Variants in FLNB observed in about 807,000 individuals in gnomAD.
The protein encoded by FLNB is filamin B, also known as filamin-B.
In FLNB, 111 loss-of-function variants were observed where a neutral mutation model predicts 250.6. That is an observed-to-expected ratio of 0.44 (90% CI 0.38 to 0.52). The LOEUF (loss-of-function observed/expected upper bound fraction) is 0.52. FLNB is among the 20% of genes least tolerant of loss of function. FLNB has a pLI of 0.00. For synonymous variants in FLNB, 1,302 were observed against 1,372.1 expected (o/e 0.95, Z 1.13); for missense variants, 2,869 against 3,447.8 (o/e 0.83, Z 4.20).
At chr3:58,119,884 G>A (rs1277747818) in intron 19 of FLNB, among the ~76,000 whole-genome samples, 3 of 152,184 alleles carry the variant, frequency 2.0e-5, no homozygotes, top group African/African-American at 7.2e-5. Context: ...TTGCCCTGCT[G>A]TATAAACCTA....
chr3:58,023,069 C>T (rs548480055), intron 1 of FLNB, among the ~76,000 whole-genome samples: 452 of 151,524 alleles, frequency 3.0e-3, no homozygotes, highest in Non-Finnish European at 5.0e-3. Flanking sequence ...CTGCCTCGGC[C>T]TCCTAAAGTG....
At chr3:58,131,471 G>A (rs574543228) in intron 25 of FLNB, among the ~76,000 whole-genome samples, 2 of 152,308 alleles carry the variant, frequency 1.3e-5, no homozygotes, top group Admixed American at 1.3e-4. Context: ...GCCATATAGG[G>A]ACAAAGCCCT....
chr3:58,120,161 G>A (rs964428249), intron 19 of FLNB, among the ~76,000 whole-genome samples: 1 of 152,240 alleles, frequency 6.6e-6, no homozygotes, highest in Non-Finnish European at 1.5e-5. Flanking sequence ...CAAGTTGCAA[G>A]CAAGGCCAGC....
chr3:58,076,990 A>G (rs2097202637), intron 1 of FLNB, 56 bp from the exon 2 acceptor site: 7 of 1,600,430 alleles, frequency 4.4e-6, no homozygotes, highest in Non-Finnish European at 6.0e-6. Flanking sequence ...TATAAGGAGC[A>G]TAATTTACAC....
chr3:58,120,726 GGATATCA>G (rs1369693937), intron 19 of FLNB, among the ~76,000 whole-genome samples: 3 of 152,164 alleles, frequency 2.0e-5, no homozygotes, highest in African/African-American at 7.2e-5. Flanking sequence ...GAGGGTGTTT[GGATATCA>G]AGTTAACACC....
rs1215405597 is a variant in FLNB, at chr3:58,148,269, G to T, written c.5792G>T (p.Ser1931Ile). The T allele has an allele frequency of 1.2e-6, 2 of 1,614,202 alleles. No homozygotes were observed. Among genetic ancestry groups the T allele is most frequent in the South Asian group, 2.2e-5 (2 of 91,080 alleles). The change falls in exon 35 of 46, where the codon AGT becomes ATT. Residue 1931 changes from serine (S) to isoleucine (I), a missense_variant. By Grantham distance (142) the Ser-to-Ile change is moderately radical. Coordinates refer to ENST00000295956, the MANE Select transcript of FLNB (RefSeq NM_001457.4). ...GSAADFLLDISETDLSSLTAS... is the reference protein window; with the variant it reads ...GSAADFLLDIIETDLSSLTAS... ...GCCGCTGACTTCCTGCTCGACATCAGTGAGACTGACCTCAGCAGCCTGACG... is the reference window on the plus strand; with the variant it reads ...GCCGCTGACTTCCTGCTCGACATCATTGAGACTGACCTCAGCAGCCTGACG...
At chr3:58,017,451 C>G (rs1216738332) in intron 1 of FLNB, among the ~76,000 whole-genome samples, 2 of 152,120 alleles carry the variant, frequency 1.3e-5, no homozygotes, top group Admixed American at 6.6e-5. Flanking sequence ...TGAGGTTTCT[C>G]CATGTTGGTC....
At position 58,158,094 on chromosome 3, in the gene FLNB, T is replaced by C. The variant is rs1262546643; in HGVS notation, c.6889-1460T>C. ...TTTGAGACTTTTTAGGAAATTGGAGTAGGCTGGCACTTGGGGTGGGGGTGG... is the reference window on the plus strand; with the variant it reads ...TTTGAGACTTTTTAGGAAATTGGAGCAGGCTGGCACTTGGGGTGGGGGTGG... On this transcript the variant is annotated intron_variant, in intron 41 of 45. Coordinates refer to ENST00000295956, the MANE Select transcript of FLNB (RefSeq NM_001457.4). Among the ~76,000 whole-genome samples the C allele has an allele frequency of 4.9e-5, 7 of 142,852 alleles. No individual in the cohort carries two copies. The Admixed American group carries it at 5.2e-4, about 11-fold the overall frequency. The allele number at this position is 142,852 out of a possible 152,430, so 93.7% of individuals were successfully genotyped here.
At chr3:58,008,935 A>G (rs1376009404) in intron 1 of FLNB, 79 bp downstream of exon 1, 2 of 1,555,474 alleles carry the variant, frequency 1.3e-6, no homozygotes. Flanking sequence ...GAGGGCGAGG[A>G]TTTCCCGCAG....
chr3:58,159,668 G>C lies in FLNB; in HGVS notation c.7003G>C (p.Val2335Leu). Residue 2335 changes from valine to leucine, a missense_variant, in exon 42 of 46, where the codon GTG becomes CTG. Transcript: ENST00000295956. ...CTCTGGAGCCGTGGAGGAGTGCCAC[G>C]TGTCTGAGCTGGAGCCAGGTGAGCA... is the stretch of plus-strand genomic sequence containing the variant. Reference protein sequence around the residue: ...SPSGAVEECHVSELEPDKYAV... With the variant: ...SPSGAVEECHLSELEPDKYAV... 6.2e-7 allele frequency: 1 copy of C among 1,613,710 alleles called. No individual in the cohort carries two copies.
intron 1 of FLNB, among the ~76,000 whole-genome samples, chr3:58,053,742 G>T (rs964496489): frequency 2.6e-5 from 4 of 152,112 alleles, no homozygotes; most frequent in African/African-American, 9.7e-5. Context: ...GATTACAGAC[G>T]TGAGCCACTG....
In FLNB at chr3:58,134,717, A is replaced by G; in HGVS notation, c.4616A>G (p.Asp1539Gly). The G allele has an allele frequency of 6.2e-7, 1 of 1,614,178 alleles. No homozygotes were observed. Among genetic ancestry groups the G allele is most frequent in the East Asian group, 2.2e-5 (1 of 44,884 alleles). ...SYGVPASLPV[D>G]FAIDARDAGE... ...GGTGTGCCTGCCAGTCTACCTGTGG[A>G]CTTTGCAATTGATGCCCGAGATGCC... is the stretch of plus-strand genomic sequence containing the variant. Residue 1539 changes from aspartate to glycine, a missense_variant, in exon 27 of 46, where the codon GAC becomes GGC. Coordinates refer to ENST00000295956, the MANE Select transcript of FLNB (RefSeq NM_001457.4).
intron 1 of FLNB, among the ~76,000 whole-genome samples, chr3:58,012,339 A>G (rs1416019465): frequency 6.6e-6 from 1 of 152,000 alleles, no homozygotes; most frequent in African/African-American, 2.4e-5. Flanking sequence ...GGTTAGTATT[A>G]TTATCTTTAT....
chr3:58,134,878 TTG>T (rs2097313474), intron 27 of FLNB, 106 bp downstream of exon 27: 2 of 1,075,022 alleles, frequency 1.9e-6, no homozygotes, highest in Non-Finnish European at 2.8e-6. Context: ...TCAATGCAAG[TTG>T]TTTGTTAGAT....
chr3:58,070,952 GTTT>G (rs530215007), intron 1 of FLNB, among the ~76,000 whole-genome samples: 1 of 139,632 alleles, frequency 7.2e-6, no homozygotes, highest in Non-Finnish European at 1.6e-5. Context: ...TCTCTCTCTT[GTTT>G]TTTTTTTTTT....
chr3:58,041,467 A>T (rs1432889792), intron 1 of FLNB, among the ~76,000 whole-genome samples: 1 of 152,142 alleles, frequency 6.6e-6, no homozygotes, highest in Non-Finnish European at 1.5e-5. Flanking sequence ...TTCAGTGGTG[A>T]GGAGGTTGTG....
chr3:58,164,692 A>C lies in FLNB; in HGVS notation c.7198+1362A>C, dbSNP rs2097367472. The C allele has an allele frequency of 6.6e-6, 1 of 152,214 alleles. No homozygotes were observed. Among genetic ancestry groups the C allele is most frequent in the African/African-American group, 2.4e-5 (1 of 41,460 alleles). 9.4% of individuals were successfully genotyped at this position (152,214 alleles called of 1,614,324 possible). On this transcript the variant is annotated intron_variant, in intron 43 of 45. Transcript: ENST00000295956. The surrounding 1 kb of genome is among the most constrained non-coding windows in gnomAD (Gnocchi z 4.0). ...TGGTGTGAGTGCTGCCAGACTCCCCAGGCAAATCCAGCCCGGCTCCACGCT... is the reference window on the plus strand; with the variant it reads ...TGGTGTGAGTGCTGCCAGACTCCCCCGGCAAATCCAGCCCGGCTCCACGCT...
chr3:58,140,173 G>A (rs528938113), intron 29 of FLNB, among the ~76,000 whole-genome samples: 3 of 152,240 alleles, frequency 2.0e-5, no homozygotes, highest in South Asian at 4.1e-4. Flanking sequence ...CCCTCTATAA[G>A]TTTGACGCCA....
chr3:58,062,631 C>T (rs937991320), intron 1 of FLNB, among the ~76,000 whole-genome samples: 1 of 152,190 alleles, frequency 6.6e-6, no homozygotes, highest in Admixed American at 6.5e-5. Context: ...CAGACTGCCC[C>T]GGAATCTGTG....
Sources: gnomAD v4.1 joint callset for allele counts (sites outside exome capture counted in the v4.1 genomes callset) on GRCh38, gnomAD v4.1.1 for gene constraint, Gnocchi (gnomAD v3.1) non-coding constraint, MANE v1.5 for transcripts, NCBI Gene and HGNC (gene_info 2026-07-23, HGNC 2026-07-21) for gene names.